Variants in TANGO6 observed in about 807,000 individuals in gnomAD.
TANGO6 encodes transport and golgi organization 6 homolog.
TANGO6 carries 90 observed loss-of-function variants against 114.2 expected under a neutral mutation model. The observed-to-expected ratio is 0.79, with a 90% CI of 0.66 to 0.94. TANGO6 has a LOEUF of 0.94. TANGO6 is among the 40% of genes least tolerant of loss of function. TANGO6 has a pLI of 0.00. For synonymous variants in TANGO6, 477 were observed against 509.8 expected, an observed-to-expected ratio of 0.94 and a Z score of 0.87; for missense variants, 1,274 against 1,315.3, an observed-to-expected ratio of 0.97 and a Z score of 0.49.
intron 14 of TANGO6, among the ~76,000 whole-genome samples, chr16:68,958,543 G>C (rs1355640305): frequency 6.7e-6 from 1 of 150,298 alleles, no homozygotes; most frequent in Non-Finnish European, 1.5e-5. Context: ...GGGAGAGAGA[G>C]AGGGAGGGAG....
At chr16:68,949,949 A>G (rs1963456056) in intron 14 of TANGO6, among the ~76,000 whole-genome samples, 1 of 152,212 alleles carries the variant, frequency 6.6e-6, no homozygotes, top group East Asian at 1.9e-4. Flanking sequence ...ACAGTGGAAT[A>G]TTATTTGGCA....
intron 16 of TANGO6, among the ~76,000 whole-genome samples, chr16:69,036,201 G>A (rs978598481): frequency 1.3e-5 from 2 of 152,098 alleles, no homozygotes; most frequent in African/African-American, 4.8e-5. Context: ...GAGACTAGCC[G>A]TGAAGTGACT....
At chr16:68,948,823 C>G (rs1354328254) in intron 14 of TANGO6, among the ~76,000 whole-genome samples, 3 of 152,200 alleles carry the variant, frequency 2.0e-5, no homozygotes, top group African/African-American at 7.2e-5. Context: ...TTCCTGCAGA[C>G]AATCATTAGT....
rs983555575 is a variant in TANGO6, at chr16:68,988,037, A to T, written c.2842+13869A>T. On this transcript the variant is annotated intron_variant, in intron 15 of 17. Coordinates refer to ENST00000261778, the MANE Select transcript of TANGO6 (RefSeq NM_024562.2). ...TTACTGAGTTGCGAGGGTTCTTTAT[A>T]TGTAGTGGAACCTCTCTTGACCCCA... Among the ~76,000 whole-genome samples, 65 of 152,054 alleles carry T rather than the reference A, an allele frequency of 4.3e-4. 1 individual carries two copies. Among genetic ancestry groups the T allele is most frequent in the African/African-American group, 1.4e-3 (60 of 41,408 alleles).
At chr16:68,983,808 C>T (rs1175941975) in intron 15 of TANGO6, among the ~76,000 whole-genome samples, 9 of 151,840 alleles carry the variant, frequency 5.9e-5, no homozygotes, top group Non-Finnish European at 1.0e-4. Context: ...CCGAGGCGGG[C>T]GGATCATGAG....
At chr16:68,882,747 G>A (rs753986793) in intron 7 of TANGO6, among the ~76,000 whole-genome samples, 5 of 151,804 alleles carry the variant, frequency 3.3e-5, no homozygotes, top group Non-Finnish European at 7.4e-5. Context: ...TACTTGGCAC[G>A]ATGGCTCATG....
At chr16:68,998,303 T>A (rs753246390) in intron 15 of TANGO6, among the ~76,000 whole-genome samples, 2 of 152,172 alleles carry the variant, frequency 1.3e-5, no homozygotes, top group Non-Finnish European at 2.9e-5. Flanking sequence ...GTAAGCAGGA[T>A]CAGTCTAAAT....
chr16:69,064,084 G>C (rs769683756), intron 17 of TANGO6, among the ~76,000 whole-genome samples: 3 of 151,826 alleles, frequency 2.0e-5, no homozygotes, highest in Non-Finnish European at 2.9e-5. Flanking sequence ...TGATCTGCCC[G>C]CCTCGGCCTC....
rs559504266 is a variant in TANGO6, at chr16:69,027,633, A to T, written c.2994+4654A>T. ...TGGTTATATTGTCTGAAGATTTCAG[A>T]CTAGTGTAACTTTTCTGGGTCAGAT... On this transcript the variant is annotated intron_variant, in intron 16 of 17. Coordinates refer to ENST00000261778, the MANE Select transcript of TANGO6 (RefSeq NM_024562.2). Among the ~76,000 whole-genome samples, 5 of 152,198 alleles carry T rather than the reference A, an allele frequency of 3.3e-5. No individual in the cohort carries two copies. The East Asian group carries it at 9.6e-4, about 29-fold the overall frequency.
intron 17 of TANGO6, among the ~76,000 whole-genome samples, chr16:69,052,118 T>A (rs1381371548): frequency 6.6e-6 from 1 of 151,274 alleles, no homozygotes; most frequent in African/African-American, 2.4e-5. Flanking sequence ...GGCTAATTTT[T>A]TAAATTTTTT....
intron 15 of TANGO6, among the ~76,000 whole-genome samples, chr16:68,992,531 A>T (rs1963954390): frequency 6.6e-6 from 1 of 152,204 alleles, no homozygotes; most frequent in South Asian, 2.1e-4. Flanking sequence ...TTTTTGAATG[A>T]ATACCTCATA....
intron 12 of TANGO6, chr16:68,926,776 C>G (rs1346678512): frequency 6.6e-6 from 1 of 152,076 alleles, no homozygotes; most frequent in Non-Finnish European, 1.5e-5. Flanking sequence ...TTCAAATTTT[C>G]AGGGTCTCCT....
Position 68,843,593 on chromosome 16 carries a change from G to A in TANGO6, c.-25G>A. Reference sequence around the variant, plus strand: ...CCCTGCCGAGGCGCCTGAGCGGGTCGCGAGCGTGGTGTTACACTCCAGTCA... The same window carrying A: ...CCCTGCCGAGGCGCCTGAGCGGGTCACGAGCGTGGTGTTACACTCCAGTCA... On this transcript the variant is annotated 5_prime_UTR_variant, in exon 1 of 18. Coordinates refer to ENST00000261778, the MANE Select transcript of TANGO6 (RefSeq NM_024562.2). The A allele has an allele frequency of 1.9e-6, 3 of 1,608,546 alleles. No homozygotes were observed. The highest frequency in any genetic ancestry group is 2.5e-6 in the Non-Finnish European group (3 of 1,177,038).
At chr16:68,918,602 A>G (rs1963043621) in intron 11 of TANGO6, among the ~76,000 whole-genome samples, 1 of 152,286 alleles carries the variant, frequency 6.6e-6, no homozygotes, top group African/African-American at 2.4e-5. Flanking sequence ...ATATTAAAAC[A>G]TTTGGAAAAG....
Position 68,973,880 on chromosome 16 carries a change from G to T in TANGO6, c.2702-148G>T, listed in dbSNP as rs181848205. The T allele has an allele frequency of 3.9e-5, 34 of 867,806 alleles. No individual in the cohort carries two copies. In the African/African-American group the frequency reaches 5.1e-4, roughly 13 times the overall value. The allele number at this position is 867,806 out of a possible 1,614,324, so 53.8% of individuals were successfully genotyped here. A position where few individuals can be genotyped will look rare whatever the true frequency, so the allele number is the denominator to read the frequency against. ...CCATCTTCGTTCCACTCACTATGCT[G>T]ACTCTCCAAACAATAGGCAGCCCTT... On this transcript the variant is annotated intron_variant, in intron 14 of 17. Coordinates refer to ENST00000261778, the MANE Select transcript of TANGO6 (RefSeq NM_024562.2).
chr16:69,050,512 C>T (rs909569755), intron 17 of TANGO6, among the ~76,000 whole-genome samples: 7 of 148,206 alleles, frequency 4.7e-5, no homozygotes, highest in African/African-American at 7.5e-5. Context: ...TTTTTTGAGA[C>T]GGAGTCTTGC....
intron 1 of TANGO6, among the ~76,000 whole-genome samples, chr16:68,848,529 AC>A (rs11289936): frequency 0.3 from 45,472 of 151,748 alleles, 7,881 homozygotes; most frequent in African/African-American, 0.5. Flanking sequence ...TTGTAAAAAA[AC>A]AATTGAAACT....
chr16:68,853,069 T>A, intron 1 of TANGO6, among the ~76,000 whole-genome samples: 1 of 152,182 alleles, frequency 6.6e-6, no homozygotes, highest in Non-Finnish European at 1.5e-5. Context: ...AGTTTAATAT[T>A]TATTTGGGTT....
intron 6 of TANGO6, among the ~76,000 whole-genome samples, 176 bp from the exon 7 acceptor site, chr16:68,880,372 G>A (rs765819695): frequency 2.6e-5 from 4 of 152,124 alleles, no homozygotes; most frequent in Non-Finnish European, 5.9e-5. Flanking sequence ...TATAATCAGT[G>A]GCATCATATA....
Sources: gnomAD v4.1 joint callset for allele counts (sites outside exome capture counted in the v4.1 genomes callset) on GRCh38, gnomAD v4.1.1 for gene constraint, MANE v1.5 for transcripts, NCBI Gene and HGNC (gene_info 2026-07-23, HGNC 2026-07-21) for gene names.